SUN1: variants seen among roughly 807,000 people sequenced by gnomAD.
The protein encoded by SUN1 is SUN domain-containing protein 1.
A neutral mutation model predicts 103.2 loss-of-function variants in SUN1; 61 were observed. The ratio of observed to expected loss-of-function variants is 0.59; its 90% CI spans 0.48 to 0.73. SUN1 has a LOEUF of 0.73. Among genes scored for constraint, SUN1 ranks in the 30% least tolerant of loss-of-function variants. The pLI is 0.00. For synonymous variants in SUN1, 490 were observed against 425.7 expected (o/e 1.15, Z -1.86); for missense variants, 1,052 against 1,034.6 (o/e 1.02, Z -0.23).
intron 11 of SUN1, among the ~76,000 whole-genome samples, 178 bp downstream of exon 11, chr7:855,184 T>G (rs1337881912): frequency 2.0e-5 from 3 of 152,228 alleles, no homozygotes; most frequent in African/African-American, 7.2e-5. Context: ...GCTCTAACAT[T>G]GAATCGGGTG....
chr7:865,841 A>T (rs146646083), intron 15 of SUN1, 111 bp from the exon 16 acceptor site: 2 of 817,074 alleles, frequency 2.4e-6, no homozygotes, highest in East Asian at 5.3e-5. Flanking sequence ...AATATCAGTG[A>T]TGTCGAGCAC....
Position 847,324 on chromosome 7 carries a change from G to A in SUN1, c.658+3804G>A, listed in dbSNP as rs112207198. Among the ~76,000 whole-genome samples the A allele has an allele frequency of 4.7e-5, 7 of 149,908 alleles. No individual in the cohort carries two copies. In the South Asian group the frequency reaches 8.5e-4, roughly 18 times the overall value. ...GGGGTTACTCCGCAGTCCAGGCTCC[G>A]GGATCCCCTGGGGGTTACCCCGCAG... On this transcript the variant is annotated intron_variant, in intron 5 of 18. Coordinates refer to ENST00000401592, the MANE Select transcript of SUN1 (RefSeq NM_001130965.3).
At chr7:841,632 A>C (rs1810049954) in intron 2 of SUN1, among the ~76,000 whole-genome samples, 1 of 152,198 alleles carries the variant, frequency 6.6e-6, no homozygotes, top group African/African-American at 2.4e-5. Flanking sequence ...TTAAATTTAT[A>C]AATCACAGAT....
chr7:873,477 G>T lies in SUN1; in HGVS notation c.*146G>T, dbSNP rs536474158. ...TGGCTGCTGGCCAGAGGACGTGAGCGTGTGACGGGCGCCTTGGCGCCACCT... is the reference window on the plus strand; with the variant it reads ...TGGCTGCTGGCCAGAGGACGTGAGCTTGTGACGGGCGCCTTGGCGCCACCT... On this transcript the variant is annotated 3_prime_UTR_variant, in exon 19 of 19. Coordinates refer to ENST00000401592, the MANE Select transcript of SUN1 (RefSeq NM_001130965.3). 1.2e-6 allele frequency: 1 copy of T among 817,718 alleles called. No individual in the cohort carries two copies. The highest frequency in any genetic ancestry group is 2.5e-5 in the Admixed American group (1 of 39,506). The allele number at this position is 817,718 out of a possible 1,614,324, so 50.7% of individuals were successfully genotyped here.
intron 5 of SUN1, among the ~76,000 whole-genome samples, chr7:849,007 A>T (rs910852490): frequency 2.0e-5 from 3 of 152,158 alleles, no homozygotes; most frequent in Non-Finnish European, 4.4e-5. Context: ...GCTGGAGTGC[A>T]GTGGTGTGAT....
chr7:824,180 G>A (rs2128160555), intron 1 of SUN1, among the ~76,000 whole-genome samples: 1 of 152,356 alleles, frequency 6.6e-6, no homozygotes. Context: ...CAGTAAAACA[G>A]AAGAAGACAG....
exon 1 of SUN1, chr7:816,627 C>CGGGCCTGGGCGGCGCAGACG (rs1393083573): frequency 2.7e-5 from 10 of 365,762 alleles, no homozygotes; most frequent in Non-Finnish European, 5.4e-5. Flanking sequence ...AGCGTCTTCT[C>CGGGCCTGGGCGGCGCAGACG]GGGCCTGGGC....
chr7:838,899 C>G lies in SUN1; in HGVS notation c.179C>G (p.Thr60Arg). The G allele has an allele frequency of 3.7e-6, 6 of 1,610,760 alleles. No homozygotes were observed. The highest frequency in any genetic ancestry group is 3.4e-6 in the Non-Finnish European group (4 of 1,178,964). ...RMSRRSLRLA[T>R]TACTLGDGEA... ...TCCCGCCGTAGTTTGCGCCTGGCCA[C>G]GACAGCATGCACCCTGGGGGATGGT... The change falls in exon 2 of 19, where the codon ACG (threonine) becomes AGG (arginine). Residue 60 changes from threonine to arginine, a missense_variant. Thr to Arg is a moderately conservative substitution (Grantham distance 71). Around this residue, in one of 2 missense-constraint regions of SUN1, gnomAD observed 846 missense variants for 774.5 expected, o/e 1.09. Coordinates refer to ENST00000401592, the MANE Select transcript of SUN1 (RefSeq NM_001130965.3).
At chr7:818,946 C>T (rs959855824) in intron 1 of SUN1, among the ~76,000 whole-genome samples, 22 of 152,080 alleles carry the variant, frequency 1.4e-4, no homozygotes, top group Admixed American at 9.8e-4. Context: ...TCACCGCGAC[C>T]TCCGCCTCCC....
chr7:823,569 C>T (rs555249170), intron 1 of SUN1, among the ~76,000 whole-genome samples: 3 of 152,160 alleles, frequency 2.0e-5, no homozygotes, highest in South Asian at 2.1e-4. Context: ...TTCTAAGGCA[C>T]GGATGGGAAG....
At chr7:859,608 C>T (rs887019036) in intron 13 of SUN1, among the ~76,000 whole-genome samples, 1 of 152,142 alleles carries the variant, frequency 6.6e-6, no homozygotes, top group African/African-American at 2.4e-5. Context: ...CGGTCGTGTC[C>T]TAGGAGGCTT....
chr7:856,117 G>A (rs1384540524), intron 11 of SUN1, among the ~76,000 whole-genome samples: 3 of 152,340 alleles, frequency 2.0e-5, no homozygotes, highest in Admixed American at 2.0e-4. Flanking sequence ...GGTTACAGGA[G>A]CTGCATGTTC....
intron 14 of SUN1, among the ~76,000 whole-genome samples, chr7:860,824 C>A (rs1206695681): frequency 6.6e-6 from 1 of 152,192 alleles, no homozygotes; most frequent in African/African-American, 2.4e-5. Context: ...AAAGTCGTGT[C>A]TTATATGGCA....
intron 14 of SUN1, among the ~76,000 whole-genome samples, chr7:860,968 G>A (rs1260964156): frequency 6.6e-6 from 1 of 152,174 alleles, no homozygotes; most frequent in Non-Finnish European, 1.5e-5. Flanking sequence ...CACAATGTGG[G>A]AATTATGGGA....
intron 16 of SUN1, chr7:869,118 T>C: frequency 1.8e-6 from 1 of 549,658 alleles, no homozygotes; most frequent in Non-Finnish European, 3.2e-6. Flanking sequence ...CCCATTTTTC[T>C]TTAAGGTTCT....
intron 1 of SUN1, chr7:817,315 C>A: frequency 9.2e-7 from 1 of 1,085,028 alleles, no homozygotes; most frequent in Non-Finnish European, 1.4e-6. Context: ...GGTCGGACTC[C>A]TAGGCTCAAG....
intron 9 of SUN1, 61 bp downstream of exon 9, chr7:853,013 C>T (rs1823725105): frequency 6.5e-7 from 1 of 1,545,608 alleles, no homozygotes; most frequent in African/African-American, 1.4e-5. Context: ...AGGGACGTTC[C>T]ACACTGCTGT....
upstream of SUN1, among the ~76,000 whole-genome samples, chr7:832,265 CT>C (rs918802963): frequency 6.6e-6 from 1 of 152,144 alleles, no homozygotes; most frequent in Non-Finnish European, 1.5e-5. Context: ...TAGGGTTCCC[CT>C]GGTCTTTTTC....
At chr7:844,587 T>C (rs1337697508) in intron 5 of SUN1, among the ~76,000 whole-genome samples, 1 of 152,176 alleles carries the variant, frequency 6.6e-6, no homozygotes, top group Admixed American at 6.5e-5. Flanking sequence ...ACACTGCTAG[T>C]GTTAATACAG....
Sources: allele counts gnomAD v4.1 joint callset (sites outside exome capture counted in the v4.1 genomes callset), GRCh38; gene constraint gnomAD v4.1.1; regional missense constraint gnomAD v4.1.1; transcripts MANE v1.5; gene names NCBI Gene and HGNC (gene_info 2026-07-23, HGNC 2026-07-21).